STON2: variants seen among roughly 807,000 people sequenced by gnomAD.
The protein encoded by STON2 is stonin-2.
STON2 carries 29 observed loss-of-function variants against 65.7 expected under a neutral mutation model. That is an observed-to-expected ratio of 0.44 (90% CI 0.33 to 0.60). The LOEUF is 0.60. STON2 is among the 20% of genes least tolerant of loss of function. The pLI, the probability that STON2 is intolerant of heterozygous loss-of-function variation, is 0.03. For missense variants in STON2, 1,054 were observed against 1,118.1 expected (o/e 0.94, Z 0.82); for synonymous variants, 404 against 414.2 (o/e 0.98, Z 0.30).
chr14:81,422,480 T>C (rs147942365), intron 2 of STON2, among the ~76,000 whole-genome samples: 223 of 152,300 alleles, frequency 1.5e-3, no homozygotes, highest in African/African-American at 5.1e-3. Context: ...CAGTCTTGGG[T>C]GTTCCTTAAC....
At chr14:81,339,006 T>C (rs759859058) in intron 4 of STON2, among the ~76,000 whole-genome samples, 27 of 151,538 alleles carry the variant, frequency 1.8e-4, no homozygotes, top group Non-Finnish European at 3.2e-4. Flanking sequence ...AGAGTGTGTG[T>C]AGGGAGCAAA....
intron 4 of STON2, among the ~76,000 whole-genome samples, chr14:81,361,580 T>C (rs1300826967): frequency 6.6e-6 from 1 of 152,042 alleles, no homozygotes; most frequent in Non-Finnish European, 1.5e-5. Context: ...TAGACAATAT[T>C]GGTCTAGGCA....
At chr14:81,418,857 G>T (rs1745036690) in intron 2 of STON2, among the ~76,000 whole-genome samples, 1 of 152,152 alleles carries the variant, frequency 6.6e-6, no homozygotes, top group Non-Finnish European at 1.5e-5. Flanking sequence ...GCCCCGTGTG[G>T]TTCTCACACA....
chr14:81,322,757 T>C (rs1216854878), intron 5 of STON2, among the ~76,000 whole-genome samples: 2 of 152,220 alleles, frequency 1.3e-5, no homozygotes, highest in African/African-American at 4.8e-5. Context: ...ATAGACTTCC[T>C]ATATGCCAGA....
Position 81,277,335 on chromosome 14 carries a change from G to A in STON2, c.2147C>T (p.Ser716Leu), listed in dbSNP as rs753920115. ...CAAAGGGTTGAACAGAATGACCCGT[G>A]AGTTGTGGAAAACATCCTCATCCAC... The part of the protein sequence containing the change: ...GCVDEDVFHN[S>L]RVILFNPLDA... The change falls in exon 6 of 8, where the codon TCA becomes TTA. Residue 716 changes from serine to leucine, a missense_variant. Ser to Leu is a moderately radical substitution (Grantham distance 145). Transcript: ENST00000614646. The A allele has an allele frequency of 1.2e-6, 2 of 1,614,072 alleles. No homozygotes were observed. Among genetic ancestry groups the A allele is most frequent in the Non-Finnish European group, 1.7e-6 (2 of 1,180,042 alleles).
intron 3 of STON2, among the ~76,000 whole-genome samples, chr14:81,378,602 C>T (rs1899363070): frequency 6.6e-6 from 1 of 152,104 alleles, no homozygotes; most frequent in South Asian, 2.1e-4. Context: ...AGAGTTTTTG[C>T]AAAGTAAAAG....
intron 7 of STON2, 126 bp from the exon 8 acceptor site, chr14:81,268,623 A>G (rs1894450979): frequency 4.8e-6 from 6 of 1,239,880 alleles, no homozygotes; most frequent in Non-Finnish European, 6.2e-6. Flanking sequence ...TTTGGGCGTT[A>G]GCCACATTGG....
At chr14:81,377,703 T>A (rs1447819008) in intron 3 of STON2, among the ~76,000 whole-genome samples, 1 of 152,232 alleles carries the variant, frequency 6.6e-6, no homozygotes, top group Non-Finnish European at 1.5e-5. Flanking sequence ...TTATTTCAGT[T>A]ATTCTAATAG....
intron 4 of STON2, among the ~76,000 whole-genome samples, chr14:81,334,866 CTCAT>C (rs1271503880): frequency 2.0e-5 from 3 of 152,114 alleles, no homozygotes; most frequent in Non-Finnish European, 4.4e-5. Flanking sequence ...GAGACAGAGT[CTCAT>C]TCTGTCACCC....
chr14:81,360,389 A>G (rs3915224), intron 4 of STON2, among the ~76,000 whole-genome samples: 3,182 of 152,302 alleles, frequency 0.021, 196 homozygotes, highest in East Asian at 0.2. Context: ...GCAAATCAAT[A>G]TATGTGATAA....
chr14:81,391,660 T>C (rs1279600514), intron 3 of STON2, among the ~76,000 whole-genome samples: 1 of 152,226 alleles, frequency 6.6e-6, no homozygotes, highest in African/African-American at 2.4e-5. Flanking sequence ...GCAGAAAATT[T>C]GGAATTGAAC....
rs193003244 is a variant in STON2, at chr14:81,262,084, T to C, written c.*6330A>G. On this transcript the variant is annotated 3_prime_UTR_variant, in exon 8 of 8. Transcript: ENST00000614646. Reference sequence around the variant, plus strand: ...AAAGGTGGCACCAATGGATATTTTGTAAAATAACCCACAACTTTAGAGCTG... The same window carrying C: ...AAAGGTGGCACCAATGGATATTTTGCAAAATAACCCACAACTTTAGAGCTG... 7.4e-5 allele frequency: 73 copies of C among 985,394 alleles called. 1 individual carries two copies. In the East Asian group the frequency reaches 6.6e-3, roughly 89 times the overall value. 61.0% of individuals were successfully genotyped at this position (985,394 alleles called of 1,614,324 possible). A position where few individuals can be genotyped will look rare whatever the true frequency, so the allele number is the denominator to read the frequency against.
chr14:81,355,737 G>A lies in STON2; in HGVS notation c.571+15251C>T, dbSNP rs1304800070. On this transcript the variant is annotated intron_variant, in intron 4 of 7. Transcript: ENST00000614646. Reference sequence around the variant, plus strand: ...AAACCCTTCACGTCCCTTGTAAGGTGGATTCCTAGGTATTTTATTGTCTTT... The same window carrying A: ...AAACCCTTCACGTCCCTTGTAAGGTAGATTCCTAGGTATTTTATTGTCTTT... Among the ~76,000 whole-genome samples, 5 of 152,252 alleles carry A rather than the reference G, an allele frequency of 3.3e-5. No individual in the cohort carries two copies. In the East Asian group the frequency reaches 9.6e-4, roughly 29 times the overall value.
intron 2 of STON2, among the ~76,000 whole-genome samples, chr14:81,406,990 C>G (rs1178936280): frequency 1.3e-5 from 2 of 152,194 alleles, no homozygotes; most frequent in African/African-American, 4.8e-5. Context: ...CTCAGTATGA[C>G]TGCTGTGCTT....
chr14:81,289,120 T>C (rs1895453400), intron 5 of STON2, among the ~76,000 whole-genome samples: 1 of 152,116 alleles, frequency 6.6e-6, no homozygotes. Flanking sequence ...TCTGGACCTT[T>C]GAAGGGGTCA....
At chr14:81,339,050 T>C (rs1326104968) in intron 4 of STON2, among the ~76,000 whole-genome samples, 1 of 151,198 alleles carries the variant, frequency 6.6e-6, no homozygotes, top group Non-Finnish European at 1.5e-5. Context: ...GGACATTCGA[T>C]AGAGGGAAGT....
Position 81,267,305 on chromosome 14 carries a change from GTC to G in STON2, c.*1107_*1108del, listed in dbSNP as rs574771375. On this transcript the variant is annotated 3_prime_UTR_variant, in exon 8 of 8. Transcript: ENST00000614646. The stretch of plus-strand genomic sequence containing the variant: ...CATTAGAAAAATATGGCTTTTCCAC[GTC>G]TCTACCCTAGAGATGCCTTTTCAAT... The G allele has an allele frequency of 4.1e-6, 4 of 985,254 alleles. No individual in the cohort carries two copies. The South Asian group carries it at 1.9e-4, about 46-fold the overall frequency. The allele number at this position is 985,254 out of a possible 1,614,324, so 61.0% of individuals were successfully genotyped here. A position where few individuals can be genotyped will look rare whatever the true frequency, so the allele number is the denominator to read the frequency against.
intron 4 of STON2, among the ~76,000 whole-genome samples, chr14:81,341,522 C>T (rs9944042): frequency 0.014 from 2,045 of 146,098 alleles, 44 homozygotes; most frequent in African/African-American, 0.051. Flanking sequence ...GGGAAGCAAG[C>T]CAAGACTGAT....
chr14:81,276,797 C>T (rs1051493351), intron 6 of STON2, 104 bp downstream of exon 6: 2 of 1,370,964 alleles, frequency 1.5e-6, no homozygotes, highest in South Asian at 2.8e-5. Flanking sequence ...ATCACCACTC[C>T]CATCACACAG....
Sources: allele counts gnomAD v4.1 joint callset (sites outside exome capture counted in the v4.1 genomes callset), GRCh38; gene constraint gnomAD v4.1.1; transcripts MANE v1.5; gene names NCBI Gene and HGNC (gene_info 2026-07-23, HGNC 2026-07-21).